The following PLXDC2 variants were observed in gnomAD, a reference collection of about 807,000 sequenced individuals.
PLXDC2 encodes plexin domain-containing protein 2.
Under a neutral mutation model 68.9 loss-of-function variants are expected in PLXDC2, and 40 were observed. That is an observed-to-expected ratio of 0.58 (90% CI 0.45 to 0.76). The LOEUF is 0.76. PLXDC2 is among the 30% of genes least tolerant of loss of function. PLXDC2 has a pLI of 0.00. For missense variants in PLXDC2, 644 were observed against 661.9 expected, an observed-to-expected ratio of 0.97 and a Z score of 0.30; for synonymous variants, 243 against 234.2, an observed-to-expected ratio of 1.04 and a Z score of -0.34.
chr10:20,203,384 A>G (rs1374145702), intron 9 of PLXDC2, among the ~76,000 whole-genome samples: 1 of 151,042 alleles, frequency 6.6e-6, no homozygotes, highest in Non-Finnish European at 1.5e-5. Flanking sequence ...TCAGCCTCCT[A>G]CACTCAACCT....
At chr10:20,044,227 T>TTCTTTCTTTCTTTCTTTCTTTCTTTC (rs1835747962) in intron 2 of PLXDC2, among the ~76,000 whole-genome samples, 1 of 50,170 alleles carries the variant, frequency 2.0e-5, no homozygotes, top group Non-Finnish European at 3.5e-5. Flanking sequence ...CTTTCTTTCT[T>TTCTTTCTTTCTTTCTTTCTTTCTTTC]TCTTTCTTTC....
chr10:19,904,691 T>C (rs2131369919), intron 1 of PLXDC2, among the ~76,000 whole-genome samples: 1 of 152,286 alleles, frequency 6.6e-6, no homozygotes, highest in South Asian at 2.1e-4. Flanking sequence ...TGGTAGTTCT[T>C]AGAGCAAAAG....
chr10:20,243,431 T>A (rs1411217481), intron 12 of PLXDC2, among the ~76,000 whole-genome samples: 1 of 152,164 alleles, frequency 6.6e-6, no homozygotes, highest in Non-Finnish European at 1.5e-5. Context: ...TTAATTTCTG[T>A]TACATAAGGG....
chr10:19,934,983 G>T (rs1833699075), intron 1 of PLXDC2, among the ~76,000 whole-genome samples: 1 of 152,188 alleles, frequency 6.6e-6, no homozygotes, highest in Non-Finnish European at 1.5e-5. Context: ...ATCAATGCCG[G>T]CCTTGATAAT....
intron 4 of PLXDC2, among the ~76,000 whole-genome samples, chr10:20,141,553 A>C (rs1330795390): frequency 6.6e-6 from 1 of 152,100 alleles, no homozygotes; most frequent in Non-Finnish European, 1.5e-5. Flanking sequence ...ACACTTTCAG[A>C]GTCTAATTCA....
intron 13 of PLXDC2, among the ~76,000 whole-genome samples, chr10:20,245,835 A>C (rs1368811640): frequency 6.6e-6 from 1 of 152,180 alleles, no homozygotes; most frequent in Non-Finnish European, 1.5e-5. Flanking sequence ...CTAGGAGGAA[A>C]TACTACGTAT....
intron 1 of PLXDC2, among the ~76,000 whole-genome samples, chr10:19,894,653 A>G (rs530680052): frequency 6.6e-6 from 1 of 152,192 alleles, no homozygotes; most frequent in South Asian, 2.1e-4. Context: ...TTTTTTTATT[A>G]TTATACTTAA....
At chr10:20,026,123 G>A (rs1166391495) in intron 2 of PLXDC2, among the ~76,000 whole-genome samples, 1 of 151,628 alleles carries the variant, frequency 6.6e-6, no homozygotes, top group Admixed American at 6.6e-5. Flanking sequence ...CATCTGAGAT[G>A]CATAGGTAAA....
rs966457162 is a variant in PLXDC2 at position 19,932,626 on chromosome 10, G to C, written c.113-69149G>C. Among the ~76,000 whole-genome samples, 4 of 152,184 alleles carry C rather than the reference G, an allele frequency of 2.6e-5. No individual in the cohort carries two copies. In the East Asian group the frequency reaches 7.7e-4, roughly 29 times the overall value. On this transcript the variant is annotated intron_variant, in intron 1 of 13. Transcript: ENST00000377252. The stretch of plus-strand genomic sequence containing the variant: ...ACCATATGTACTGGCAATGGAAGGA[G>C]AGCAAAAGATAGCTCTCCATGCAAA...
intron 9 of PLXDC2, among the ~76,000 whole-genome samples, chr10:20,209,156 A>C: frequency 6.6e-6 from 1 of 152,168 alleles, no homozygotes; most frequent in Admixed American, 6.5e-5. Context: ...AGTCTAATCA[A>C]AATTTATTAG....
chr10:20,251,859 A>C (rs1835679600), intron 13 of PLXDC2, among the ~76,000 whole-genome samples: 1 of 152,186 alleles, frequency 6.6e-6, no homozygotes, highest in South Asian at 2.1e-4. Context: ...TGTTCACATA[A>C]AAATGAAGAG....
intron 1 of PLXDC2, among the ~76,000 whole-genome samples, chr10:19,921,023 G>A (rs1833453595): frequency 6.6e-6 from 1 of 151,402 alleles, no homozygotes; most frequent in African/African-American, 2.4e-5. Flanking sequence ...GAACTCCTGG[G>A]CTCAAACAGT....
At chr10:20,169,707 T>A (rs1249119066) in intron 7 of PLXDC2, among the ~76,000 whole-genome samples, 2 of 152,166 alleles carry the variant, frequency 1.3e-5, no homozygotes, top group East Asian at 3.9e-4. Flanking sequence ...GAAAATCCAC[T>A]CATGCCATGT....
intron 1 of PLXDC2, among the ~76,000 whole-genome samples, chr10:19,995,986 A>G (rs1200959465): frequency 6.6e-6 from 1 of 152,214 alleles, no homozygotes; most frequent in Admixed American, 6.5e-5. Context: ...TGATGGGGAC[A>G]AGGAAGAGAT....
chr10:19,873,182 T>G (rs1410904096), intron 1 of PLXDC2, among the ~76,000 whole-genome samples: 1 of 152,072 alleles, frequency 6.6e-6, no homozygotes, highest in Non-Finnish European at 1.5e-5. Flanking sequence ...AGATTTCGGG[T>G]GGAGGGAGCC....
chr10:20,230,724 A>AAAAAAAG (rs1835353272), intron 12 of PLXDC2, among the ~76,000 whole-genome samples: 1 of 143,648 alleles, frequency 7.0e-6, no homozygotes, highest in Non-Finnish European at 1.5e-5. Context: ...ACAGGAAAAC[A>AAAAAAAG]GTGTCATTTC....
At chr10:19,861,186 C>T (rs1390119430) in intron 1 of PLXDC2, among the ~76,000 whole-genome samples, 1 of 151,960 alleles carries the variant, frequency 6.6e-6, no homozygotes, top group Non-Finnish European at 1.5e-5. Flanking sequence ...GGACACCCAC[C>T]ACCACGCCTG....
intron 1 of PLXDC2, among the ~76,000 whole-genome samples, chr10:19,937,884 T>G (rs1833754833): frequency 6.6e-6 from 1 of 152,030 alleles, no homozygotes; most frequent in South Asian, 2.1e-4. Flanking sequence ...CAGAACACCT[T>G]TAGGAGAACT....
At chr10:20,044,261 CTT>C (rs1273740445) in intron 2 of PLXDC2, among the ~76,000 whole-genome samples, 5 of 113,812 alleles carry the variant, frequency 4.4e-5, no homozygotes, top group South Asian at 2.7e-4. Context: ...TTCTTTCTTT[CTT>C]TCTTTCTTTC....
Sources: allele counts gnomAD v4.1 joint callset (sites outside exome capture counted in the v4.1 genomes callset), GRCh38; gene constraint gnomAD v4.1.1; transcripts MANE v1.5; gene names NCBI Gene and HGNC (gene_info 2026-07-23, HGNC 2026-07-21).